The following ARHGEF18 variants were observed in gnomAD, a reference collection of about 807,000 sequenced individuals.
ARHGEF18 encodes rho guanine nucleotide exchange factor 18.
Under a neutral mutation model 155.7 loss-of-function variants are expected in ARHGEF18, and 93 were observed. The observed-to-expected ratio is 0.60, with a 90% CI of 0.50 to 0.71. ARHGEF18 has a LOEUF of 0.71. Ranked by LOEUF, ARHGEF18 falls within the 30% of genes least tolerant of loss-of-function variation. ARHGEF18 has a pLI of 0.00. For synonymous variants in ARHGEF18, 742 were observed against 753.1 expected (o/e 0.99, Z 0.24); for missense variants, 1,593 against 1,816.1 (o/e 0.88, Z 2.23).
intron 5 of ARHGEF18, among the ~76,000 whole-genome samples, chr19:7,377,637 A>G (rs1471291992): frequency 2.6e-5 from 4 of 151,928 alleles, no homozygotes; most frequent in African/African-American, 9.7e-5. Flanking sequence ...TACAAAAAAC[A>G]ATTAGCCAGG....
At chr19:7,425,817 T>G (rs1973630285) in intron 10 of ARHGEF18, among the ~76,000 whole-genome samples, 1 of 150,820 alleles carries the variant, frequency 6.6e-6, no homozygotes, top group Non-Finnish European at 1.5e-5. Context: ...CTGGGCAACA[T>G]AGCAACACCC....
chr19:7,380,176 TAAA>T (rs869034526), intron 7 of ARHGEF18, among the ~76,000 whole-genome samples: 1 of 140,234 alleles, frequency 7.1e-6, no homozygotes. Context: ...AAACCCTGTT[TAAA>T]AAAAAAAAAA....
intron 3 of ARHGEF18, among the ~76,000 whole-genome samples, chr19:7,375,382 AAAAGG>A (rs375068789): frequency 4.3e-5 from 5 of 116,840 alleles, no homozygotes; most frequent in Admixed American, 9.1e-5. Flanking sequence ...AGGAAGAAAG[AAAAGG>A]AAGGAAGGAA....
intron 15 of ARHGEF18, among the ~76,000 whole-genome samples, chr19:7,450,595 C>T (rs1285139553): frequency 2.9e-3 from 14 of 4,804 alleles, no homozygotes; most frequent in Admixed American, 7.7e-3. Flanking sequence ...TTTCTGTTTC[C>T]AAGACATTAA....
At chr19:7,389,646 G>A (rs568264918) in intron 10 of ARHGEF18, among the ~76,000 whole-genome samples, 7 of 151,210 alleles carry the variant, frequency 4.6e-5, no homozygotes, top group African/African-American at 1.5e-4. Flanking sequence ...CTACTCTCCT[G>A]TCTCAGCCTC....
downstream of ARHGEF18, chr19:7,472,836 A>G (rs565547110): frequency 2.3e-3 from 871 of 385,238 alleles, 1 homozygote; most frequent in Non-Finnish European, 3.9e-3. Context: ...AGTAGCTGGG[A>G]TTACAGGTGT....
chr19:7,359,704 A>G (rs1024290786), intron 1 of ARHGEF18, among the ~76,000 whole-genome samples: 1 of 151,758 alleles, frequency 6.6e-6, no homozygotes, highest in African/African-American at 2.4e-5. Flanking sequence ...GGCTCAGTAT[A>G]TGACACCAGG....
Position 7,467,628 on chromosome 19 carries a change from C to G in ARHGEF18, c.3424C>G (p.Arg1142Gly). 6.6e-7 allele frequency: 1 copy of G among 1,515,120 alleles called. No individual in the cohort carries two copies. The highest frequency in any genetic ancestry group is 2.6e-5 in the East Asian group (1 of 38,840). 93.9% of individuals were successfully genotyped at this position (1,515,120 alleles called of 1,614,324 possible). A position where few individuals can be genotyped will look rare whatever the true frequency, so the allele number is the denominator to read the frequency against. Residue 1142 changes from arginine to glycine, a missense_variant, in exon 26 of 29, where the codon CGC becomes GGC. Transcript: ENST00000668164. ...RERERLELLR[R>G]LKKQNTAPGA... ...GCGGGAGCGCCTGGAGCTGCTGCGC[C>G]GCCTCAAGAAGCAGAACACCGCGCC...
intron 10 of ARHGEF18, among the ~76,000 whole-genome samples, chr19:7,429,095 C>T (rs1481589616): frequency 1.3e-5 from 2 of 150,524 alleles, no homozygotes; most frequent in South Asian, 2.1e-4. Flanking sequence ...ATAAGAGAGA[C>T]GCCTTGAGTC....
At chr19:7,477,290 A>G, downstream of ARHGEF18, 3 of 1,582,970 alleles carry the variant, frequency 1.9e-6, no homozygotes, top group Non-Finnish European at 2.6e-6. Flanking sequence ...GAGGCCCACT[A>G]GCCACGGCGG....
Position 7,458,492 on chromosome 19 carries a change from A to G in ARHGEF18, c.2182-20A>G. The G allele has an allele frequency of 6.2e-7, 1 of 1,610,146 alleles. No homozygotes were observed. The highest frequency in any genetic ancestry group is 8.5e-7 in the Non-Finnish European group (1 of 1,177,014). ...CTGTGGGGTAAAGGGTGACCTCCCC[A>G]ATGCCCTCTACTCATGCAGGACTCA... On this transcript the variant is annotated intron_variant, in intron 18 of 28. Coordinates refer to ENST00000668164, the MANE Select transcript of ARHGEF18 (RefSeq NM_001367823.1).
chr19:7,441,753 A>G lies in ARHGEF18; in HGVS notation c.1207A>G (p.Ile403Val). ...CCTTACATCTCCAAACACCGAGTCCATTTTTGTAGAAGGTATGGTCATCTC... is the reference window on the plus strand; with the variant it reads ...CCTTACATCTCCAAACACCGAGTCCGTTTTTGTAGAAGGTATGGTCATCTC... ...LSLTSPNTES[I>V]FVEDPYTASL... The change falls in exon 12 of 29, where the codon ATT becomes GTT. Residue 403 changes from isoleucine (I) to valine (V), a missense_variant. By Grantham distance (29) the Ile-to-Val change is conservative (BLOSUM62 3). Coordinates refer to ENST00000668164, the MANE Select transcript of ARHGEF18 (RefSeq NM_001367823.1). The G allele has an allele frequency of 1.9e-6, 3 of 1,614,136 alleles. No homozygotes were observed. The highest frequency in any genetic ancestry group is 2.2e-5 in the South Asian group (2 of 91,084).
chr19:7,469,030 C>T lies in ARHGEF18; in HGVS notation c.3686C>T (p.Ala1229Val), dbSNP rs753495683. Residue 1229 changes from alanine to valine, a missense_variant, in exon 27 of 29, where the codon GCG becomes GTG. Coordinates refer to ENST00000668164, the MANE Select transcript of ARHGEF18 (RefSeq NM_001367823.1). ...GCCACCAACCAGTTCCAGAGGCAGG[C>T]GGCCGTGCAGCAGCAGATCCCCACC... Reference protein sequence around the residue: ...LSATNQFQRQAAVQQQIPTKL... With the variant: ...LSATNQFQRQVAVQQQIPTKL... The T allele has an allele frequency of 2.4e-5, 39 of 1,600,556 alleles. No homozygotes were observed. Among genetic ancestry groups the T allele is most frequent in the South Asian group, 5.6e-5 (5 of 89,240 alleles).
downstream of ARHGEF18, among the ~76,000 whole-genome samples, chr19:7,473,767 G>A (rs992391214): frequency 5.0e-5 from 7 of 140,616 alleles, no homozygotes; most frequent in Admixed American, 7.7e-5. Flanking sequence ...CCGAGATTGC[G>A]CCACTGCACT....
At chr19:7,417,583 G>A (rs903009825) in intron 10 of ARHGEF18, among the ~76,000 whole-genome samples, 1 of 152,132 alleles carries the variant, frequency 6.6e-6, no homozygotes, top group South Asian at 2.1e-4. Context: ...TGTAATCCCA[G>A]CTACTCGGGA....
chr19:7,424,246 G>A (rs1307361091), intron 10 of ARHGEF18, among the ~76,000 whole-genome samples: 3 of 151,900 alleles, frequency 2.0e-5, no homozygotes, highest in Non-Finnish European at 2.9e-5. Flanking sequence ...GGCTGGTCTC[G>A]AACTCCCGAC....
chr19:7,474,676 T>C (rs767800279), downstream of ARHGEF18, among the ~76,000 whole-genome samples: 162 of 151,696 alleles, frequency 1.1e-3, no homozygotes, highest in Non-Finnish European at 1.9e-3. Flanking sequence ...CCGCGCCTGG[T>C]CTATTTTTTC....
chr19:7,369,468 A>C (rs1970100449), intron 2 of ARHGEF18, among the ~76,000 whole-genome samples: 1 of 151,208 alleles, frequency 6.6e-6, no homozygotes, highest in Non-Finnish European at 1.5e-5. Flanking sequence ...TCTCAGGAAA[A>C]AAAAGAAAAA....
In ARHGEF18 at chr19:7,441,899, G is replaced by T; in HGVS notation, c.1220-13G>T. 6.2e-7 allele frequency: 1 copy of T among 1,613,864 alleles called. No homozygotes were observed. Among genetic ancestry groups the T allele is most frequent in the Non-Finnish European group, 8.5e-7 (1 of 1,179,930 alleles). On this transcript the variant is annotated splice_polypyrimidine_tract_variant and intron_variant, in intron 12 of 28. Coordinates refer to ENST00000668164, the MANE Select transcript of ARHGEF18 (RefSeq NM_001367823.1). ...TCTGGGCCCCCAGCAGCCACACCTCGCTCTTCCCTCAGATCCCTACACCGC... is the reference window on the plus strand; with the variant it reads ...TCTGGGCCCCCAGCAGCCACACCTCTCTCTTCCCTCAGATCCCTACACCGC...
Sources: gnomAD v4.1 joint callset for allele counts (sites outside exome capture counted in the v4.1 genomes callset) on GRCh38, gnomAD v4.1.1 for gene constraint, MANE v1.5 for transcripts, NCBI Gene and HGNC (gene_info 2026-07-23, HGNC 2026-07-21) for gene names.